The following PAK3 variants were observed in gnomAD, a reference collection of about 807,000 sequenced individuals.
The protein encoded by PAK3 is serine/threonine-protein kinase PAK 3.
PAK3 carries 4 observed loss-of-function variants against 41.0 expected under a neutral mutation model. The ratio of observed to expected loss-of-function variants is 0.10; its 90% CI spans 0.05 to 0.22. The LOEUF (loss-of-function observed/expected upper bound fraction) is 0.22. PAK3 is among the 10% of genes least tolerant of loss of function. The pLI is 1.00. For synonymous variants in PAK3, 146 were observed against 139.6 expected (o/e 1.05, Z -0.32); for missense variants, 205 against 409.9 (o/e 0.50, Z 4.32).
At chrX:111,151,581 C>G in intron 7 of PAK3, among the ~76,000 whole-genome samples, 1 of 111,770 alleles carries the variant, frequency 8.9e-6, no homozygotes, top group Non-Finnish European at 1.9e-5. Context: ...CTCCACTTAT[C>G]CATGTGGAAT....
chrX:111,064,178 T>C (rs1487068018), intron 1 of PAK3, among the ~76,000 whole-genome samples: 1 of 112,418 alleles, frequency 8.9e-6, no homozygotes, highest in Admixed American at 9.4e-5. Context: ...TTTAGACGAA[T>C]AATTTCTTAT....
intron 1 of PAK3, among the ~76,000 whole-genome samples, chrX:110,989,721 C>T (rs2091609080): frequency 9.0e-6 from 1 of 111,552 alleles, no homozygotes; most frequent in Non-Finnish European, 1.9e-5. Context: ...ACACAGCTGG[C>T]TTGTAGCAGA....
At chrX:111,068,154 T>C (rs1195026278) in intron 1 of PAK3, among the ~76,000 whole-genome samples, 2 of 112,035 alleles carry the variant, frequency 1.8e-5, no homozygotes, top group Non-Finnish European at 3.8e-5. Flanking sequence ...TTCACCTTCT[T>C]CATTTTTTCA....
At chrX:111,143,512 A>T (rs2093901722) in intron 6 of PAK3, among the ~76,000 whole-genome samples, 1 of 111,121 alleles carries the variant, frequency 9.0e-6, no homozygotes, top group Admixed American at 9.6e-5. Flanking sequence ...AACCAATTTC[A>T]TCATTAAAGT....
chrX:111,210,680 G>A (rs748026972), intron 16 of PAK3, among the ~76,000 whole-genome samples: 7 of 112,039 alleles, frequency 6.2e-5, no homozygotes, highest in Non-Finnish European at 7.5e-5. Context: ...TGAGCAAGTT[G>A]TCACAAAATC....
At chrX:111,024,672 T>TTAGA (rs2092243785) in intron 1 of PAK3, among the ~76,000 whole-genome samples, 1 of 111,070 alleles carries the variant, frequency 9.0e-6, no homozygotes, top group African/African-American at 3.3e-5. Context: ...GACTTAAAAA[T>TTAGA]TAGATAGACA....
intron 1 of PAK3, among the ~76,000 whole-genome samples, chrX:110,986,164 A>G (rs2091539500): frequency 8.9e-6 from 1 of 112,267 alleles, no homozygotes; most frequent in South Asian, 3.7e-4. Flanking sequence ...AGCCAGCCTC[A>G]CCAAACTAAA....
At chrX:111,193,357 T>C (rs1290166479) in intron 13 of PAK3, among the ~76,000 whole-genome samples, 5 of 104,293 alleles carry the variant, frequency 4.8e-5, no homozygotes, top group Non-Finnish European at 9.9e-5. Context: ...CCTTTTTTTT[T>C]TTTTTTTTTT....
intron 4 of PAK3, among the ~76,000 whole-genome samples, chrX:111,113,896 A>G (rs1017344717): frequency 6.3e-5 from 7 of 111,483 alleles, no homozygotes; most frequent in African/African-American, 2.3e-4. Flanking sequence ...TGTCCTTGCA[A>G]TAGATTGCTC....
At chrX:111,099,986 C>T (rs2093094750) in intron 3 of PAK3, among the ~76,000 whole-genome samples, 2 of 109,026 alleles carry the variant, frequency 1.8e-5, no homozygotes, top group Admixed American at 9.7e-5. Context: ...ACAAAACAAC[C>T]CCACAACCAC....
upstream of PAK3, among the ~76,000 whole-genome samples, chrX:111,094,025 A>AT (rs773672380): frequency 1.6e-4 from 18 of 111,203 alleles, no homozygotes; most frequent in East Asian, 1.4e-3. Flanking sequence ...TTGATTTGTG[A>AT]TTTTTTTAGA....
chrX:110,994,195 G>A (rs2148674628), intron 1 of PAK3, among the ~76,000 whole-genome samples: 1 of 112,199 alleles, frequency 8.9e-6, no homozygotes, highest in South Asian at 3.7e-4. Context: ...GCTGGTTGTT[G>A]CCTTCTCTGT....
In PAK3 at chrX:111,005,259, G is replaced by C. The variant is rs764507876; in HGVS notation, c.-28+60631G>C. Among the ~76,000 whole-genome samples, 603 of 111,362 alleles carry C rather than the reference G, an allele frequency of 5.4e-3. 1 individual carries two copies. Among genetic ancestry groups the C allele is most frequent in the African/African-American group, 0.019 (575 of 30,605 alleles). On this transcript the variant is annotated intron_variant, in intron 1 of 14. Transcript: ENST00000425146. ...GGAGGGGGTGCGGAGGGTGGCGGAA[G>C]CATGCTGGTTCAATGCTTGAGAAAC...
chrX:111,085,202 T>C (rs1195672088), intron 1 of PAK3, among the ~76,000 whole-genome samples: 3 of 111,806 alleles, frequency 2.7e-5, no homozygotes, highest in African/African-American at 9.8e-5. Flanking sequence ...CCAATCAAAA[T>C]TCCCAAGCCA....
At chrX:111,141,447 T>A (rs1417137094) in intron 5 of PAK3, among the ~76,000 whole-genome samples, 1 of 111,801 alleles carries the variant, frequency 8.9e-6, no homozygotes, top group East Asian at 2.8e-4. Context: ...GAAAACTAAA[T>A]AAAATTAATT....
At chrX:111,190,274 C>G (rs1271007530) in intron 11 of PAK3, among the ~76,000 whole-genome samples, 1 of 111,389 alleles carries the variant, frequency 9.0e-6, no homozygotes, top group Non-Finnish European at 1.9e-5. Context: ...TAAAGTAGCT[C>G]ATTTCCTGTA....
At chrX:111,084,056 G>A (rs991479582) in intron 1 of PAK3, among the ~76,000 whole-genome samples, 7 of 112,767 alleles carry the variant, frequency 6.2e-5, no homozygotes, top group Admixed American at 3.8e-4. Context: ...GATTGCAGAT[G>A]TACTCATCCT....
chrX:110,952,464 C>T (rs887227925), intron 1 of PAK3, among the ~76,000 whole-genome samples: 2 of 111,247 alleles, frequency 1.8e-5, no homozygotes, highest in African/African-American at 6.5e-5. Flanking sequence ...GGCATACCTC[C>T]TAATACTTGC....
Position 111,147,732 on chromosome X carries a change from C to T in PAK3, c.277-5C>T. 8.4e-7 allele frequency: 1 copy of T among 1,186,862 alleles called. No individual in the cohort carries two copies. Among genetic ancestry groups the T allele is most frequent in the Non-Finnish European group, 1.1e-6 (1 of 873,070 alleles). On this transcript the variant is annotated splice_region_variant and splice_polypyrimidine_tract_variant and intron_variant, in intron 6 of 17. Coordinates refer to ENST00000372007, the MANE Select transcript of PAK3 (RefSeq NM_002578.5). Reference sequence around the variant, plus strand: ...CTACCATTCTTTCCCTTTGGTTGTCCACAGGGAATTCCAGAGCAATGGGCA... The same window carrying T: ...CTACCATTCTTTCCCTTTGGTTGTCTACAGGGAATTCCAGAGCAATGGGCA...
Sources: gnomAD v4.1 joint callset for allele counts (sites outside exome capture counted in the v4.1 genomes callset) on GRCh38, gnomAD v4.1.1 for gene constraint, MANE v1.5 for transcripts, NCBI Gene and HGNC (gene_info 2026-07-23, HGNC 2026-07-21) for gene names.